CSMD1: variants seen among roughly 807,000 people sequenced by gnomAD.
CSMD1 encodes the protein CUB and Sushi multiple domains 1.
In CSMD1, 213 loss-of-function variants were observed where a neutral mutation model predicts 417.5. That is an observed-to-expected ratio of 0.51 (90% CI 0.46 to 0.57). CSMD1 has a LOEUF of 0.57. Ranked by LOEUF, CSMD1 falls within the 20% of genes least tolerant of loss-of-function variation. The pLI is 0.00. For synonymous variants in CSMD1, 2,862 were observed against 1,736.8 expected (o/e 1.65, Z -16.11); for missense variants, 6,923 against 4,529.7 (o/e 1.53, Z -15.17).
intron 52 of CSMD1, among the ~76,000 whole-genome samples, chr8:3,005,138 C>T (rs929359931): frequency 1.3e-5 from 2 of 152,020 alleles, no homozygotes; most frequent in African/African-American, 4.8e-5. Context: ...GACTCTGTCT[C>T]AAAAGATAAT....
rs759197394 is a variant in CSMD1 at position 4,977,760 on chromosome 8, C to T, written c.85+16572G>A. 6.6e-5 allele frequency among the ~76,000 whole-genome samples: 10 copies of T among 152,292 alleles called. No individual in the cohort carries two copies. In the South Asian group the frequency reaches 1.7e-3, roughly 25 times the overall value. ...ATTAGGTTGCAGGCAGGTTCACCTG[C>T]TAGAGATGAATGCATTGAAAGTGAA... On this transcript the variant is annotated intron_variant, in intron 1 of 69. Coordinates refer to ENST00000635120, the MANE Select transcript of CSMD1 (RefSeq NM_033225.6).
At chr8:3,181,569 G>C (rs1563118030) in intron 36 of CSMD1, among the ~76,000 whole-genome samples, 1 of 152,086 alleles carries the variant, frequency 6.6e-6, no homozygotes, top group Admixed American at 6.6e-5. Context: ...AAGTTCAACA[G>C]CCAAGAGTAA....
At chr8:3,493,821 T>C in intron 10 of CSMD1, 95 bp from the exon 11 acceptor site, 1 of 925,714 alleles carries the variant, frequency 1.1e-6, no homozygotes, top group South Asian at 1.6e-5. Context: ...TGTTAAATTT[T>C]GCTCCTTAAT....
chr8:3,668,774 T>C (rs1361030714), intron 7 of CSMD1, among the ~76,000 whole-genome samples: 1 of 152,196 alleles, frequency 6.6e-6, no homozygotes, highest in Non-Finnish European at 1.5e-5. Flanking sequence ...ATCCTGTATC[T>C]ACTCTAGTTT....
intron 33 of CSMD1, among the ~76,000 whole-genome samples, chr8:3,199,144 T>A (rs1204651476): frequency 6.6e-6 from 1 of 152,204 alleles, no homozygotes; most frequent in Non-Finnish European, 1.5e-5. Context: ...TCTCAAATAT[T>A]TTTTAAAAGG....
chr8:4,364,552 C>A (rs567752582), intron 3 of CSMD1, among the ~76,000 whole-genome samples: 1 of 17,180 alleles, frequency 5.8e-5, no homozygotes, highest in Non-Finnish European at 9.4e-5. Flanking sequence ...TGGCCGGGCG[C>A]GGTGGCTCAC....
intron 3 of CSMD1, among the ~76,000 whole-genome samples, chr8:4,062,927 A>G (rs551040297): frequency 2.0e-5 from 3 of 151,778 alleles, no homozygotes; most frequent in Admixed American, 2.0e-4. Flanking sequence ...AAAAAAAAAA[A>G]TTCTTCTATA....
intron 5 of CSMD1, among the ~76,000 whole-genome samples, chr8:3,970,255 C>G (rs973299324): frequency 6.6e-6 from 1 of 152,202 alleles, no homozygotes; most frequent in African/African-American, 2.4e-5. Flanking sequence ...ACTAAACAGA[C>G]CAGAACGCTG....
chr8:4,756,303 A>G (rs1439647115), intron 1 of CSMD1, among the ~76,000 whole-genome samples: 2 of 152,312 alleles, frequency 1.3e-5, no homozygotes, highest in East Asian at 3.9e-4. Context: ...AGAAAGTTTT[A>G]AATATTGAAG....
intron 3 of CSMD1, among the ~76,000 whole-genome samples, chr8:4,299,103 G>A (rs1797842907): frequency 6.6e-6 from 1 of 152,082 alleles, no homozygotes; most frequent in African/African-American, 2.4e-5. Flanking sequence ...AGGGAAGAAG[G>A]TGATAGAATA....
intron 1 of CSMD1, among the ~76,000 whole-genome samples, chr8:4,986,993 G>A (rs539708909): frequency 1.3e-5 from 2 of 152,170 alleles, no homozygotes; most frequent in South Asian, 4.2e-4. Flanking sequence ...TTTATATACA[G>A]ATAAATGCAT....
chr8:3,071,834 C>G (rs757936620), intron 49 of CSMD1, among the ~76,000 whole-genome samples: 1 of 152,120 alleles, frequency 6.6e-6, no homozygotes, highest in Non-Finnish European at 1.5e-5. Context: ...ATTTGGTCAC[C>G]AAACCTGTCC....
chr8:3,173,411 T>C (rs1284560261), intron 37 of CSMD1, among the ~76,000 whole-genome samples: 1 of 152,180 alleles, frequency 6.6e-6, no homozygotes, highest in Non-Finnish European at 1.5e-5. Context: ...GAGAGAGACA[T>C]GAATAATCTT....
intron 3 of CSMD1, among the ~76,000 whole-genome samples, chr8:4,273,641 T>A (rs932063837): frequency 3.3e-5 from 5 of 152,168 alleles, no homozygotes; most frequent in Non-Finnish European, 5.9e-5. Context: ...ATCTAGAAAC[T>A]CTAATAGAGA....
intron 10 of CSMD1, among the ~76,000 whole-genome samples, chr8:3,520,128 A>G (rs1052358828): frequency 5.9e-5 from 9 of 151,888 alleles, no homozygotes; most frequent in African/African-American, 1.9e-4. Flanking sequence ...GCACAGAGAA[A>G]TAATTTATAT....
chr8:3,966,449 T>G (rs550406741), intron 5 of CSMD1, among the ~76,000 whole-genome samples: 14 of 152,238 alleles, frequency 9.2e-5, no homozygotes, highest in African/African-American at 3.1e-4. Context: ...CCTACATATA[T>G]TTTTTATAGA....
chr8:4,905,407 G>C (rs540860340), intron 1 of CSMD1, among the ~76,000 whole-genome samples: 1 of 151,910 alleles, frequency 6.6e-6, no homozygotes, highest in African/African-American at 2.4e-5. Flanking sequence ...TATATTTATA[G>C]ATTTATAAAA....
intron 1 of CSMD1, among the ~76,000 whole-genome samples, chr8:4,949,906 C>T (rs1194970153): frequency 8.3e-6 from 1 of 120,538 alleles, no homozygotes; most frequent in Non-Finnish European, 1.8e-5. Flanking sequence ...ACTTTTGCAC[C>T]AACTTGAGTG....
intron 3 of CSMD1, among the ~76,000 whole-genome samples, chr8:4,118,206 T>C (rs933267592): frequency 6.6e-6 from 1 of 152,058 alleles, no homozygotes; most frequent in Non-Finnish European, 1.5e-5. Flanking sequence ...CTATTAATAT[T>C]AAAAACTAAA....
Sources: gnomAD v4.1 joint callset for allele counts (sites outside exome capture counted in the v4.1 genomes callset) on GRCh38, gnomAD v4.1.1 for gene constraint, MANE v1.5 for transcripts, NCBI Gene and HGNC (gene_info 2026-07-23, HGNC 2026-07-21) for gene names.